Variants in USP49 observed in about 807,000 individuals in gnomAD.
USP49 encodes ubiquitin specific peptidase 49.
Under a neutral mutation model 58.6 loss-of-function variants are expected in USP49, and 24 were observed. That is an observed-to-expected ratio of 0.41 (90% CI 0.30 to 0.58). USP49 has a LOEUF of 0.58. Ranked by LOEUF, USP49 falls within the 20% of genes least tolerant of loss-of-function variation. The pLI is 0.30. For synonymous variants in USP49, 408 were observed against 365.1 expected (o/e 1.12, Z -1.34); for missense variants, 703 against 866.1 (o/e 0.81, Z 2.36).
At chr6:41,816,696 C>T (rs1321154952) in intron 3 of USP49, among the ~76,000 whole-genome samples, 2 of 136,306 alleles carry the variant, frequency 1.5e-5, no homozygotes, top group East Asian at 4.2e-4. Context: ...CACAGAGTTC[C>T]ACACTCTATT....
rs1205766875 is a variant in USP49 at position 41,790,938 on chromosome 6, G to C, written c.*5595C>G. 2.0e-5 allele frequency: 3 copies of C among 152,140 alleles called. No homozygotes were observed. Among genetic ancestry groups the C allele is most frequent in the Admixed American group, 6.5e-5 (1 of 15,270 alleles). 9.4% of individuals were successfully genotyped at this position (152,140 alleles called of 1,614,324 possible). The stretch of plus-strand genomic sequence containing the variant: ...CATCACCTCCCAAATGGTGACCAAG[G>C]AGGAAACTTTTAAGCCATAGTATAG... On this transcript the variant is annotated 3_prime_UTR_variant, in exon 8 of 8. Coordinates refer to ENST00000682992, the MANE Select transcript of USP49 (RefSeq NM_001286554.2).
At chr6:41,866,244 G>T (rs183900447) in intron 3 of USP49, among the ~76,000 whole-genome samples, 3 of 151,700 alleles carry the variant, frequency 2.0e-5, no homozygotes, top group African/African-American at 7.3e-5. Context: ...TTTAATAATC[G>T]AAATTGGCAA....
chr6:41,842,502 T>C (rs1463874296), intron 3 of USP49, among the ~76,000 whole-genome samples: 5 of 152,144 alleles, frequency 3.3e-5, no homozygotes, highest in African/African-American at 7.2e-5. Context: ...CAAAACAACA[T>C]AGAAGTATGG....
At chr6:41,841,680 C>A (rs749697403) in intron 3 of USP49, among the ~76,000 whole-genome samples, 4 of 152,150 alleles carry the variant, frequency 2.6e-5, no homozygotes, top group Admixed American at 6.5e-5. Flanking sequence ...CTATTCCCAT[C>A]CTATTTTTAT....
chr6:41,805,407 G>T (rs1329712297), intron 4 of USP49, among the ~76,000 whole-genome samples: 1 of 152,090 alleles, frequency 6.6e-6, no homozygotes, highest in Non-Finnish European at 1.5e-5. Context: ...AAGCGATGTG[G>T]CAAGTTAAAC....
At chr6:41,818,487 G>T (rs1773396143) in intron 3 of USP49, among the ~76,000 whole-genome samples, 1 of 152,162 alleles carries the variant, frequency 6.6e-6, no homozygotes, top group Admixed American at 6.5e-5. Context: ...AGTTTGTGCT[G>T]CCTCCAGATC....
chr6:41,808,830 G>A (rs1773191434), intron 3 of USP49, among the ~76,000 whole-genome samples: 1 of 152,170 alleles, frequency 6.6e-6, no homozygotes, highest in South Asian at 2.1e-4. Flanking sequence ...ACTTCGGGAG[G>A]CTGAGGTGGA....
chr6:41,861,320 G>A (rs1400402797), intron 3 of USP49, among the ~76,000 whole-genome samples: 1 of 151,914 alleles, frequency 6.6e-6, no homozygotes, highest in African/African-American at 2.4e-5. Context: ...GCAGGTGCCT[G>A]TAGTCCCAGC....
chr6:41,860,172 G>C (rs1774194976), intron 3 of USP49, among the ~76,000 whole-genome samples: 1 of 152,100 alleles, frequency 6.6e-6, no homozygotes, highest in South Asian at 2.1e-4. Context: ...TTCAGACTGA[G>C]GGGAACTCTA....
chr6:41,853,140 G>C (rs1774059656), intron 3 of USP49, among the ~76,000 whole-genome samples: 2 of 152,038 alleles, frequency 1.3e-5, no homozygotes, highest in African/African-American at 4.8e-5. Context: ...GAGCCGAGAT[G>C]GCGCCATTGC....
chr6:41,866,278 GCACT>G (rs1450469482), intron 3 of USP49, among the ~76,000 whole-genome samples: 4 of 152,020 alleles, frequency 2.6e-5, no homozygotes, highest in Non-Finnish European at 5.9e-5. Flanking sequence ...TCTATCCTCA[GCACT>G]CAGCCACTGA....
chr6:41,803,987 G>T lies in USP49; in HGVS notation c.1380C>A (p.Tyr460Ter), dbSNP rs1773064949. 1 of 1,614,120 alleles carries T rather than the reference G, an allele frequency of 6.2e-7. No individual in the cohort carries two copies. ...AAAAGGGCTCAATGGTATTGGATTTGTAATTGCATGATATACATGTGACCT... is the reference window on the plus strand; with the variant it reads ...AAAAGGGCTCAATGGTATTGGATTTTTAATTGCATGATATACATGTGACCT... ...LSQVTCISCN[Y>*]KSNTIEPFWD... Residue 460 changes from tyrosine (Y) to a stop codon, truncating the protein, a stop_gained, in exon 5 of 8, where the codon TAC becomes TAA. Transcript: ENST00000682992. LOFTEE classifies it high-confidence loss of function. The surrounding 1 kb of genome is among the most constrained non-coding windows in gnomAD (Gnocchi z 4.1).
chr6:41,850,759 C>G (rs529871116), intron 3 of USP49, among the ~76,000 whole-genome samples: 1 of 151,690 alleles, frequency 6.6e-6, no homozygotes, highest in African/African-American at 2.4e-5. Flanking sequence ...TGCGCCACCA[C>G]GCCCAGCTAA....
intron 2 of USP49, 104 bp downstream of exon 2, chr6:41,891,690 T>C (rs1048521139): frequency 6.6e-6 from 1 of 152,178 alleles, no homozygotes; most frequent in African/African-American, 2.4e-5. Context: ...GAAGGCAGAC[T>C]CTCCTGATAG....
intron 3 of USP49, among the ~76,000 whole-genome samples, chr6:41,824,395 C>G (rs568814021): frequency 1.3e-5 from 2 of 151,214 alleles, no homozygotes; most frequent in Admixed American, 1.3e-4. Flanking sequence ...AATAAAAGTC[C>G]AATTTAGATG....
chr6:41,888,985 G>A (rs867226421), intron 2 of USP49, among the ~76,000 whole-genome samples: 14 of 151,662 alleles, frequency 9.2e-5, no homozygotes, highest in Admixed American at 2.0e-4. Context: ...ATTTCCATTC[G>A]TCCCCCTCAT....
Position 41,880,377 on chromosome 6 carries a change from A to G in USP49, c.-102-8740T>C, listed in dbSNP as rs529789679. Among the ~76,000 whole-genome samples, 1,088 of 152,288 alleles carry G rather than the reference A, an allele frequency of 7.1e-3. 6 individuals carry two copies. The highest frequency in any genetic ancestry group is 0.025 in the African/African-American group (1,036 of 41,560). On this transcript the variant is annotated intron_variant, in intron 2 of 7. Coordinates refer to ENST00000682992, the MANE Select transcript of USP49 (RefSeq NM_001286554.2). ...AAGGAGGAAAAGGAAGAGATTGGTT[A>G]GAATTTAAAAATTCAAGAAAATTTC...
At chr6:41,807,055 ACTTTTAGAAAAATATTTTC>A in intron 3 of USP49, 44 bp from the exon 4 acceptor site, 2 of 1,282,886 alleles carry the variant, frequency 1.6e-6, no homozygotes, top group Non-Finnish European at 2.0e-6. Context: ...AAAAGAAAAC[ACTTTTAGAAAAATATTTTC>A]CTTAAAAAAA....
In USP49 at chr6:41,791,982, C is replaced by T. The variant is rs566873172; in HGVS notation, c.*4551G>A. On this transcript the variant is annotated 3_prime_UTR_variant, in exon 8 of 8. Coordinates refer to ENST00000682992, the MANE Select transcript of USP49 (RefSeq NM_001286554.2). Reference sequence around the variant, plus strand: ...TCACTTATTTAGTTCAGTAATGAGGCTGAGGGACCCAATTTTCAAGTGTGC... The same window carrying T: ...TCACTTATTTAGTTCAGTAATGAGGTTGAGGGACCCAATTTTCAAGTGTGC... 2.6e-4 allele frequency: 40 copies of T among 152,350 alleles called. No homozygotes were observed. The highest frequency in any genetic ancestry group is 9.4e-4 in the African/African-American group (39 of 41,578). 9.4% of individuals were successfully genotyped at this position (152,350 alleles called of 1,614,324 possible). A position where few individuals can be genotyped will look rare whatever the true frequency, so the allele number is the denominator to read the frequency against.
Sources: gnomAD v4.1 joint callset for allele counts (sites outside exome capture counted in the v4.1 genomes callset) on GRCh38, gnomAD v4.1.1 for gene constraint, Gnocchi (gnomAD v3.1) non-coding constraint, MANE v1.5 for transcripts, NCBI Gene and HGNC (gene_info 2026-07-23, HGNC 2026-07-21) for gene names.